The following STMN2 variants were observed in gnomAD, a reference collection of about 807,000 sequenced individuals.
STMN2 encodes stathmin-2.
In STMN2, 2 loss-of-function variants were observed where a neutral mutation model predicts 24.1. The observed-to-expected ratio is 0.08, with a 90% confidence interval of 0.03 to 0.26. The LOEUF (loss-of-function observed/expected upper bound fraction) is 0.26. STMN2 is among the 10% of genes least tolerant of loss of function. STMN2 has a pLI of 1.00. For synonymous variants in STMN2, 83 were observed against 77.5 expected, an observed-to-expected ratio of 1.07 and a Z score of -0.37; for missense variants, 114 against 213.6, an observed-to-expected ratio of 0.53 and a Z score of 2.91.
intron 2 of STMN2, among the ~76,000 whole-genome samples, chr8:79,640,790 G>A (rs1810078601): frequency 6.6e-6 from 1 of 152,224 alleles, no homozygotes; most frequent in African/African-American, 2.4e-5. Context: ...TTGCATTTCA[G>A]CATTGACTTT....
At chr8:79,648,780 T>C (rs546380907) in intron 3 of STMN2, among the ~76,000 whole-genome samples, 77 of 152,222 alleles carry the variant, frequency 5.1e-4, no homozygotes, top group Non-Finnish European at 1.1e-3. Context: ...TTAAATATTA[T>C]AAAATATTCT....
intron 3 of STMN2, among the ~76,000 whole-genome samples, chr8:79,645,385 C>A (rs79476409): frequency 6.6e-6 from 1 of 152,044 alleles, no homozygotes; most frequent in South Asian, 2.1e-4. Flanking sequence ...GTGTATTTTA[C>A]GTTTACAACT....
chr8:79,645,651 A>G (rs1810201574), intron 3 of STMN2, among the ~76,000 whole-genome samples: 1 of 149,116 alleles, frequency 6.7e-6, no homozygotes, highest in Admixed American at 6.7e-5. Context: ...TAGTCTTTAC[A>G]TTGTCAGAAC....
intron 1 of STMN2, chr8:79,621,088 G>GC: frequency 1.1e-6 from 1 of 915,882 alleles, no homozygotes; most frequent in Non-Finnish European, 1.3e-6. Context: ...TTCTCCACCA[G>GC]TGCTGCTGGT....
chr8:79,613,400 G>C, intron 1 of STMN2: 1 of 985,408 alleles, frequency 1.0e-6, no homozygotes, highest in Non-Finnish European at 1.2e-6. Flanking sequence ...TTGGGCGCTC[G>C]CCCCCGCGGT....
At chr8:79,627,712 G>A (rs1054419656) in intron 1 of STMN2, among the ~76,000 whole-genome samples, 2 of 144,154 alleles carry the variant, frequency 1.4e-5, no homozygotes, top group Non-Finnish European at 3.0e-5. Flanking sequence ...TACTTATTAT[G>A]AAATACAAAG....
chr8:79,620,843 C>G (rs1160378932), intron 1 of STMN2: 1 of 337,648 alleles, frequency 3.0e-6, no homozygotes, highest in East Asian at 1.7e-4. Context: ...CCTCCACCCC[C>G]AGAGGTTCTC....
chr8:79,632,320 C>T (rs1809822370), intron 1 of STMN2, among the ~76,000 whole-genome samples: 1 of 152,182 alleles, frequency 6.6e-6, no homozygotes, highest in Non-Finnish European at 1.5e-5. Context: ...AGACATCAAT[C>T]CTGCATTCTA....
intron 1 of STMN2, among the ~76,000 whole-genome samples, chr8:79,616,273 C>T (rs1232095941): frequency 6.6e-6 from 1 of 152,164 alleles, no homozygotes; most frequent in Non-Finnish European, 1.5e-5. Flanking sequence ...TATTGAGCAT[C>T]TCCTTGTAGT....
chr8:79,663,548 A>G, intron 4 of STMN2: 1 of 1,402,284 alleles, frequency 7.1e-7, no homozygotes, highest in African/African-American at 1.4e-5. Context: ...CCTTGAGATT[A>G]ATAGAGTTTA....
intron 2 of STMN2, among the ~76,000 whole-genome samples, chr8:79,638,259 G>A (rs767193235): frequency 2.0e-5 from 3 of 152,330 alleles, no homozygotes; most frequent in South Asian, 4.1e-4. Context: ...GTAGAACACA[G>A]AGTGGTTAGG....
intron 4 of STMN2, chr8:79,663,561 G>A (rs914215979): frequency 6.8e-5 from 100 of 1,467,906 alleles, no homozygotes; most frequent in Non-Finnish European, 8.1e-5. Context: ...AGAGTTTAAC[G>A]ATAAGTTTTA....
chr8:79,649,446 A>T (rs1278504492), intron 3 of STMN2, among the ~76,000 whole-genome samples: 4 of 152,066 alleles, frequency 2.6e-5, no homozygotes, highest in Admixed American at 6.5e-5. Context: ...CTTCAACACA[A>T]AGTGAATATT....
chr8:79,613,564 G>A (rs1234652805), intron 1 of STMN2: 4 of 985,378 alleles, frequency 4.1e-6, no homozygotes, highest in African/African-American at 3.5e-5. Context: ...TTCCGCTGCA[G>A]GCTAGTGGCT....
At chr8:79,630,800 A>C (rs1809780709) in intron 1 of STMN2, among the ~76,000 whole-genome samples, 1 of 151,874 alleles carries the variant, frequency 6.6e-6, no homozygotes, top group Non-Finnish European at 1.5e-5. Flanking sequence ...AGATGAATAG[A>C]CTCTCCATTT....
chr8:79,623,183 T>C (rs7821184), intron 1 of STMN2, among the ~76,000 whole-genome samples: 20,362 of 152,252 alleles, frequency 0.13, 1,521 homozygotes, highest in Non-Finnish European at 0.16. Flanking sequence ...AGTATGGTGA[T>C]GAAAAGGATA....
At chr8:79,647,651 T>C (rs1810246520) in intron 3 of STMN2, among the ~76,000 whole-genome samples, 1 of 152,222 alleles carries the variant, frequency 6.6e-6, no homozygotes, top group Admixed American at 6.5e-5. Flanking sequence ...CTCGGGCTCC[T>C]TTGAACCAGA....
At position 79,663,754 on chromosome 8, in the gene STMN2, A is replaced by G. The variant is rs748185574; in HGVS notation, c.481-1061A>G. The stretch of plus-strand genomic sequence containing the variant: ...TGAACATTTATTTAGCGCCTATGAT[A>G]TATGCAAGACAGTTTGATTTTAGTC... On this transcript the variant is annotated intron_variant, in intron 4 of 4. Transcript: ENST00000220876. The G allele has an allele frequency of 1.6e-4, 172 of 1,063,516 alleles. 2 individuals carry two copies. The Middle Eastern group carries it at 2.9e-3, about 18-fold the overall frequency. 65.9% of individuals were successfully genotyped at this position (1,063,516 alleles called of 1,614,324 possible).
intron 1 of STMN2, among the ~76,000 whole-genome samples, chr8:79,612,379 GA>G (rs1165898550): frequency 2.0e-5 from 3 of 152,220 alleles, no homozygotes; most frequent in Non-Finnish European, 4.4e-5. Context: ...TCGTTTGCGG[GA>G]AAAGCTTCTA....
Sources: gnomAD v4.1 joint callset for allele counts (sites outside exome capture counted in the v4.1 genomes callset) on GRCh38, gnomAD v4.1.1 for gene constraint, MANE v1.5 for transcripts, NCBI Gene and HGNC (gene_info 2026-07-23, HGNC 2026-07-21) for gene names.